Variants in SMIM35 observed in about 807,000 individuals in gnomAD.
SMIM35 encodes TMPRSS4 antisense RNA 1 (non-protein coding).
intron 4 of SMIM35, among the ~76,000 whole-genome samples, chr11:118,007,902 GC>G (rs1251398111): frequency 2.1e-5 from 3 of 143,996 alleles, no homozygotes; most frequent in African/African-American, 7.8e-5. Flanking sequence ...TGACAGTCTT[GC>G]TCTGTCTCCA....
chr11:118,084,256 A>G (rs1020250218), intron 1 of SMIM35, among the ~76,000 whole-genome samples: 2 of 152,198 alleles, frequency 1.3e-5, no homozygotes, highest in Admixed American at 6.5e-5. Context: ...CCTAGGCTGC[A>G]GGATTCCACG....
intron 1 of SMIM35, among the ~76,000 whole-genome samples, chr11:118,045,238 T>G (rs1248651164): frequency 1.3e-5 from 2 of 152,094 alleles, no homozygotes; most frequent in Non-Finnish European, 2.9e-5. Context: ...CCTTTGTTGC[T>G]CATCTGTTGC....
At chr11:118,015,428 C>T (rs750329166) in intron 2 of SMIM35, among the ~76,000 whole-genome samples, 4 of 152,126 alleles carry the variant, frequency 2.6e-5, no homozygotes, top group Non-Finnish European at 4.4e-5. Flanking sequence ...CTGGCATGGA[C>T]GTCTATGGGC....
chr11:118,056,027 A>G (rs1031704570), intron 1 of SMIM35, among the ~76,000 whole-genome samples: 1 of 152,022 alleles, frequency 6.6e-6, no homozygotes, highest in Non-Finnish European at 1.5e-5. Flanking sequence ...TGAAGGAAGA[A>G]GAGGCTCTAG....
chr11:118,068,043 A>C (rs75037338), intron 1 of SMIM35, among the ~76,000 whole-genome samples: 1 of 151,728 alleles, frequency 6.6e-6, no homozygotes, highest in African/African-American at 2.4e-5. Flanking sequence ...CTTCCAGTAC[A>C]TAAGGTCTGT....
chr11:118,040,548 C>T (rs530396951), intron 1 of SMIM35, among the ~76,000 whole-genome samples: 10 of 152,260 alleles, frequency 6.6e-5, no homozygotes, highest in Middle Eastern at 3.4e-3. Flanking sequence ...TAAACAAATG[C>T]TGATGGAATT....
chr11:118,027,421 ATAGT>A (rs921663678), intron 1 of SMIM35, among the ~76,000 whole-genome samples: 4 of 152,126 alleles, frequency 2.6e-5, no homozygotes, highest in African/African-American at 9.7e-5. Context: ...AGAGCTCCTA[ATAGT>A]TAAGTAATCA....
chr11:118,044,845 T>C (rs771653841), intron 1 of SMIM35, among the ~76,000 whole-genome samples: 9 of 150,838 alleles, frequency 6.0e-5, no homozygotes, highest in Non-Finnish European at 1.3e-4. Context: ...ACCTCCTAGT[T>C]TGATCACTTA....
chr11:118,036,062 A>G (rs1444662325), intron 1 of SMIM35, among the ~76,000 whole-genome samples: 2 of 151,230 alleles, frequency 1.3e-5, no homozygotes, highest in East Asian at 3.9e-4. Context: ...TAATTTTTGT[A>G]TTTTAGTAGA....
intron 1 of SMIM35, among the ~76,000 whole-genome samples, chr11:118,069,124 A>C (rs1040026810): frequency 1.3e-5 from 2 of 152,170 alleles, no homozygotes; most frequent in African/African-American, 2.4e-5. Flanking sequence ...GCACCCCAGC[A>C]TCCCACACTG....
intron 4 of SMIM35, 22 bp downstream of exon 4, chr11:118,013,726 A>G (rs962222417): frequency 3.5e-5 from 14 of 398,816 alleles, no homozygotes; most frequent in Non-Finnish European, 6.2e-5. Flanking sequence ...CTCACTCGGC[A>G]GCTCTCCCAA....
At chr11:118,040,044 C>CAAAAAAAAAAAAAAAAAAAAAAAAAAAAA (rs35273108) in intron 1 of SMIM35, among the ~76,000 whole-genome samples, 1 of 102,234 alleles carries the variant, frequency 9.8e-6, no homozygotes. Context: ...GACCTTATCT[C>CAAAAAAAAAAAAAAAAAAAAAAAAAAAAA]AAAAAAAAAA....
At chr11:118,036,967 A>G (rs2058363931) in intron 1 of SMIM35, among the ~76,000 whole-genome samples, 1 of 152,096 alleles carries the variant, frequency 6.6e-6, no homozygotes, top group African/African-American at 2.4e-5. Context: ...CCTAATTAGC[A>G]TTTTAGTGAG....
At chr11:118,018,069 A>G (rs1380302501) in intron 1 of SMIM35, among the ~76,000 whole-genome samples, 1 of 152,176 alleles carries the variant, frequency 6.6e-6, no homozygotes, top group African/African-American at 2.4e-5. Context: ...AGAGGTATCT[A>G]GAGTGAAAAT....
intron 1 of SMIM35, among the ~76,000 whole-genome samples, chr11:118,044,376 G>T (rs771285363): frequency 6.6e-5 from 10 of 151,114 alleles, no homozygotes; most frequent in Non-Finnish European, 1.2e-4. Flanking sequence ...GGTAATGGTG[G>T]CATTATGCAC....
intron 1 of SMIM35, among the ~76,000 whole-genome samples, chr11:118,050,053 G>C (rs1944184187): frequency 6.6e-6 from 1 of 152,176 alleles, no homozygotes; most frequent in Non-Finnish European, 1.5e-5. Context: ...TCTCAGTACT[G>C]GAATGAGCAC....
chr11:118,012,666 T>C (rs2058156316), intron 4 of SMIM35, among the ~76,000 whole-genome samples: 1 of 152,130 alleles, frequency 6.6e-6, no homozygotes, highest in African/African-American at 2.4e-5. Flanking sequence ...CCTTGAGCAG[T>C]AAGAGAACAG....
intron 1 of SMIM35, among the ~76,000 whole-genome samples, chr11:118,022,352 C>A (rs1337330432): frequency 4.0e-5 from 6 of 151,726 alleles, no homozygotes; most frequent in Admixed American, 3.9e-4. Context: ...CCTGGCCCAA[C>A]AATAAGTCTT....
chr11:118,021,787 G>T (rs1390837433), intron 1 of SMIM35, among the ~76,000 whole-genome samples: 1 of 152,052 alleles, frequency 6.6e-6, no homozygotes, highest in African/African-American at 2.4e-5. Flanking sequence ...AAAATGAGTA[G>T]AACTGAAAGA....
Sources: gnomAD v4.1 joint callset for allele counts (sites outside exome capture counted in the v4.1 genomes callset) on GRCh38, gnomAD v4.1.1 for gene constraint, MANE v1.5 for transcripts, NCBI Gene and HGNC (gene_info 2026-07-23, HGNC 2026-07-21) for gene names.